The following AGBL4 variants were observed in gnomAD, a reference collection of about 807,000 sequenced individuals.
AGBL4 encodes cytosolic carboxypeptidase 6.
In AGBL4, 58 loss-of-function variants were observed where a neutral mutation model predicts 66.4. That is an observed-to-expected ratio of 0.87 (90% CI 0.71 to 1.09). The LOEUF is 1.09. Among genes scored for constraint, AGBL4 ranks in the 50% least tolerant of loss-of-function variants. The pLI, the probability that AGBL4 is intolerant of heterozygous loss-of-function variation, is 0.00. For missense variants in AGBL4, 579 were observed against 631.0 expected (o/e 0.92, Z 0.88); for synonymous variants, 234 against 222.9 (o/e 1.05, Z -0.44).
At chr1:49,289,020 A>G (rs1644484190) in intron 3 of AGBL4, among the ~76,000 whole-genome samples, 1 of 152,072 alleles carries the variant, frequency 6.6e-6, no homozygotes, top group African/African-American at 2.4e-5. Flanking sequence ...ACACACAGAG[A>G]GAGAGAGAGA....
At chr1:48,581,044 GCAGAGTTCCCCTCTGC>G (rs558810348) in intron 11 of AGBL4, among the ~76,000 whole-genome samples, 47 of 152,268 alleles carry the variant, frequency 3.1e-4, no homozygotes, top group African/African-American at 1.0e-3. Flanking sequence ...TCCCCAACCA[GCAGAGTTCCCCTCTGC>G]CAGAACTTTT....
At chr1:49,349,112 A>G (rs1407482820) in intron 3 of AGBL4, among the ~76,000 whole-genome samples, 2 of 152,200 alleles carry the variant, frequency 1.3e-5, no homozygotes, top group African/African-American at 4.8e-5. Context: ...CTTCCTGTCT[A>G]GAATATCCTC....
At chr1:49,312,016 T>C (rs1208042588) in intron 3 of AGBL4, among the ~76,000 whole-genome samples, 2 of 151,988 alleles carry the variant, frequency 1.3e-5, no homozygotes, top group Non-Finnish European at 2.9e-5. Flanking sequence ...AATTTAAAAA[T>C]AAAACTTTTG....
intron 1 of AGBL4, among the ~76,000 whole-genome samples, chr1:49,874,396 G>T (rs1056921744): frequency 6.6e-6 from 1 of 152,018 alleles, no homozygotes; most frequent in African/African-American, 2.4e-5. Flanking sequence ...TACACATCTT[G>T]ATTATAGTGA....
At chr1:49,990,341 G>A (rs754448002) in intron 1 of AGBL4, among the ~76,000 whole-genome samples, 3 of 152,150 alleles carry the variant, frequency 2.0e-5, no homozygotes, top group African/African-American at 4.8e-5. Context: ...TTTCCCCCAT[G>A]CTGTTCTCAT....
chr1:49,120,249 G>A (rs934992102), intron 4 of AGBL4, among the ~76,000 whole-genome samples: 1 of 152,106 alleles, frequency 6.6e-6, no homozygotes, highest in Non-Finnish European at 1.5e-5. Flanking sequence ...CCCGTTAATT[G>A]ATGCAGTTTC....
intron 2 of AGBL4, among the ~76,000 whole-genome samples, chr1:49,780,297 AT>A (rs1383766094): frequency 1.3e-5 from 2 of 152,278 alleles, no homozygotes. Context: ...TGTCATGCTT[AT>A]AATACATACA....
chr1:49,308,203 T>C (rs1247860838), intron 3 of AGBL4, among the ~76,000 whole-genome samples: 1 of 152,188 alleles, frequency 6.6e-6, no homozygotes, highest in Non-Finnish European at 1.5e-5. Context: ...CTTTTTCCTT[T>C]ATAAATTACC....
At chr1:49,661,842 A>G (rs1036621406) in intron 3 of AGBL4, among the ~76,000 whole-genome samples, 3 of 152,108 alleles carry the variant, frequency 2.0e-5, no homozygotes, top group African/African-American at 4.8e-5. Context: ...CATTTACCCA[A>G]GAGAAACAAA....
chr1:49,532,384 A>G (rs1181722916), intron 3 of AGBL4, among the ~76,000 whole-genome samples: 2 of 152,150 alleles, frequency 1.3e-5, no homozygotes, highest in African/African-American at 4.8e-5. Context: ...TGTTTTTGTG[A>G]TAACAAAGCT....
At chr1:49,826,427 G>A (rs948528555) in intron 2 of AGBL4, among the ~76,000 whole-genome samples, 2 of 152,224 alleles carry the variant, frequency 1.3e-5, no homozygotes, top group African/African-American at 4.8e-5. Flanking sequence ...TATGAACAGA[G>A]TGACAAATCG....
At chr1:49,474,737 A>G (rs1646813601) in intron 3 of AGBL4, among the ~76,000 whole-genome samples, 1 of 151,946 alleles carries the variant, frequency 6.6e-6, no homozygotes, top group Non-Finnish European at 1.5e-5. Context: ...AAGGTATTGA[A>G]GAGTTTGGTA....
intron 3 of AGBL4, among the ~76,000 whole-genome samples, chr1:49,616,778 T>TA (rs1378092677): frequency 6.6e-6 from 1 of 152,172 alleles, no homozygotes; most frequent in Non-Finnish European, 1.5e-5. Context: ...GAGGTTCAGA[T>TA]AAAAAACTTT....
At chr1:49,126,779 C>T (rs1442517317) in intron 4 of AGBL4, among the ~76,000 whole-genome samples, 2 of 152,110 alleles carry the variant, frequency 1.3e-5, no homozygotes, top group Admixed American at 6.6e-5. Context: ...AGATCATTTA[C>T]TCATCTGTTT....
At chr1:49,239,931 G>T (rs1313962047) in intron 4 of AGBL4, among the ~76,000 whole-genome samples, 6 of 151,920 alleles carry the variant, frequency 3.9e-5, no homozygotes, top group African/African-American at 1.4e-4. Flanking sequence ...GTGGAACAGA[G>T]GATGTAATTT....
At chr1:49,934,298 A>C (rs1162085612) in intron 1 of AGBL4, among the ~76,000 whole-genome samples, 1 of 152,104 alleles carries the variant, frequency 6.6e-6, no homozygotes, top group Admixed American at 6.5e-5. Context: ...AAATGGACCT[A>C]AGAGACATAT....
intron 4 of AGBL4, among the ~76,000 whole-genome samples, chr1:49,099,821 TC>T (rs2147998719): frequency 6.6e-6 from 1 of 152,120 alleles, no homozygotes; most frequent in East Asian, 1.9e-4. Context: ...AAAACTGACT[TC>T]ACTAAAAGAC....
chr1:48,672,666 A>G (rs940522795), intron 6 of AGBL4, among the ~76,000 whole-genome samples: 1 of 152,148 alleles, frequency 6.6e-6, no homozygotes, highest in African/African-American at 2.4e-5. Flanking sequence ...CCTGTTTTCC[A>G]TCCTTAAAAC....
At chr1:48,873,903 C>T (rs980997788) in intron 5 of AGBL4, among the ~76,000 whole-genome samples, 1 of 152,070 alleles carries the variant, frequency 6.6e-6, no homozygotes, top group Admixed American at 6.6e-5. Flanking sequence ...GCAATTACCT[C>T]CCAGAATGAG....
Sources: gnomAD v4.1 joint callset for allele counts (sites outside exome capture counted in the v4.1 genomes callset) on GRCh38, gnomAD v4.1.1 for gene constraint, MANE v1.5 for transcripts, NCBI Gene and HGNC (gene_info 2026-07-23, HGNC 2026-07-21) for gene names.